Variants in PTN observed in about 807,000 individuals in gnomAD.
The protein encoded by PTN is pleiotrophin, also known as heparin affin regulatory protein.
Under a neutral mutation model 24.1 loss-of-function variants are expected in PTN, and 18 were observed. The ratio of observed to expected loss-of-function variants is 0.75; its 90% CI spans 0.52 to 1.11. The LOEUF (loss-of-function observed/expected upper bound fraction) is 1.11, where lower values mean the gene tolerates loss of function less well. Among genes scored for constraint, PTN ranks in the 50% least tolerant of loss-of-function variants. PTN has a pLI of 0.00. For synonymous variants in PTN, 78 were observed against 68.6 expected (o/e 1.14, Z -0.67); for missense variants, 163 against 198.8 (o/e 0.82, Z 1.08).
chr7:137,253,597 C>A lies in PTN; in HGVS notation c.156G>T (p.Trp52Cys). The A allele has an allele frequency of 6.3e-7, 1 of 1,581,826 alleles. No individual in the cohort carries two copies. The highest frequency in any genetic ancestry group is 8.6e-7 in the Non-Finnish European group (1 of 1,160,508). ...CTCCACTGGTGGGCACACACACACT[C>A]CACTGCCATTCTCCACAGTCAGACT... ...VKKSDCGEWQ[W>C]SVCVPTSGDC... The change falls in exon 3 of 5, where the codon TGG becomes TGT. Residue 52 changes from tryptophan to cysteine, a missense_variant. By Grantham distance (215) the Trp-to-Cys change is radical. Coordinates refer to ENST00000348225, the MANE Select transcript of PTN (RefSeq NM_002825.7).
At chr7:137,324,529 ATGAG>A (rs1174549110) in intron 1 of PTN, among the ~76,000 whole-genome samples, 4 of 150,760 alleles carry the variant, frequency 2.7e-5, no homozygotes, top group African/African-American at 9.8e-5. Context: ...CCACAGCCCC[ATGAG>A]ATTCTAAAGA....
intron 1 of PTN, among the ~76,000 whole-genome samples, chr7:137,293,139 G>A (rs1315061816): frequency 1.3e-5 from 2 of 152,024 alleles, no homozygotes; most frequent in African/African-American, 4.8e-5. Context: ...AACCACTCCT[G>A]GTCTTCTAAA....
At chr7:137,246,692 C>G (rs556072317) in intron 4 of PTN, among the ~76,000 whole-genome samples, 1 of 152,232 alleles carries the variant, frequency 6.6e-6, no homozygotes, top group South Asian at 2.1e-4. Flanking sequence ...GATATTAGAT[C>G]AGACATTAGG....
At chr7:137,238,944 A>G (rs1808571488) in intron 4 of PTN, among the ~76,000 whole-genome samples, 1 of 152,202 alleles carries the variant, frequency 6.6e-6, no homozygotes, top group African/African-American at 2.4e-5. Context: ...TCAGGAAGCA[A>G]AAAGGAGGTC....
intron 1 of PTN, among the ~76,000 whole-genome samples, chr7:137,292,792 G>T (rs1179639898): frequency 2.0e-5 from 3 of 152,088 alleles, no homozygotes; most frequent in South Asian, 2.1e-4. Flanking sequence ...TTCAGGTTTG[G>T]CTGAATCCAC....
At chr7:137,308,564 T>G (rs1809926496) in intron 1 of PTN, among the ~76,000 whole-genome samples, 3 of 152,276 alleles carry the variant, frequency 2.0e-5, no homozygotes, top group Admixed American at 2.0e-4. Context: ...GGTTCAGAGC[T>G]TGGTAAGGTG....
rs78030398 is a variant in PTN at position 137,296,909 on chromosome 7, T to C, written c.-1-41935A>G. Among the ~76,000 whole-genome samples, 199 of 152,158 alleles carry C rather than the reference T, an allele frequency of 1.3e-3. 1 individual carries two copies. Among genetic ancestry groups the C allele is most frequent in the South Asian group, 3.9e-3 (19 of 4,824 alleles). ...CCTATGTAGATGTAGGTTATGCTTG[T>C]AGTTGTCTGGGAAGTTTGTTAGAGT... On this transcript the variant is annotated intron_variant, in intron 1 of 4. Transcript: ENST00000348225.
intron 1 of PTN, among the ~76,000 whole-genome samples, chr7:137,255,872 C>A (rs2128871648): frequency 6.6e-6 from 1 of 152,320 alleles, no homozygotes; most frequent in Non-Finnish European, 1.5e-5. Flanking sequence ...ATGGCTGCAG[C>A]AACTTGCCTG....
chr7:137,324,313 T>TGC (rs1810214607), intron 1 of PTN, among the ~76,000 whole-genome samples: 1 of 149,898 alleles, frequency 6.7e-6, no homozygotes, highest in Non-Finnish European at 1.5e-5. Flanking sequence ...AAGGACCGCC[T>TGC]AAGCCCAGGA....
intron 1 of PTN, among the ~76,000 whole-genome samples, chr7:137,267,105 C>T (rs1055305697): frequency 3.3e-5 from 5 of 152,084 alleles, no homozygotes; most frequent in African/African-American, 1.2e-4. Context: ...TTAAAGGAAT[C>T]AGGTATATTG....
At chr7:137,343,347 C>T (rs2128884680) in intron 1 of PTN, 92 bp downstream of exon 1, 1 of 401,488 alleles carries the variant, frequency 2.5e-6, no homozygotes, top group Non-Finnish European at 5.1e-6. Flanking sequence ...ACCCCTACCA[C>T]CATCATCTGC....
intron 4 of PTN, among the ~76,000 whole-genome samples, chr7:137,228,534 T>C: frequency 6.6e-6 from 1 of 151,770 alleles, no homozygotes. Context: ...TCTTTGATAG[T>C]ATATTTTCTG....
intron 1 of PTN, among the ~76,000 whole-genome samples, chr7:137,320,918 T>C (rs528224342): frequency 6.6e-6 from 1 of 152,286 alleles, no homozygotes; most frequent in South Asian, 2.1e-4. Context: ...CAAGCTGGGA[T>C]TGGAAGAACC....
chr7:137,320,114 C>T (rs1468275505), intron 1 of PTN, among the ~76,000 whole-genome samples: 1 of 152,172 alleles, frequency 6.6e-6, no homozygotes, highest in Admixed American at 6.5e-5. Context: ...ATTTAAATGA[C>T]AATCATTGAG....
At chr7:137,313,117 C>A (rs1810011651) in intron 1 of PTN, among the ~76,000 whole-genome samples, 1 of 151,956 alleles carries the variant, frequency 6.6e-6, no homozygotes, top group East Asian at 1.9e-4. Flanking sequence ...GCCCTCCTGG[C>A]AGCCCTCACT....
At chr7:137,295,542 T>C (rs767168638) in intron 1 of PTN, among the ~76,000 whole-genome samples, 3 of 152,116 alleles carry the variant, frequency 2.0e-5, no homozygotes, top group South Asian at 2.1e-4. Flanking sequence ...ATGGTGTAAG[T>C]GTAAAATACA....
At chr7:137,264,214 A>T (rs1184685228) in intron 1 of PTN, among the ~76,000 whole-genome samples, 1 of 152,134 alleles carries the variant, frequency 6.6e-6, no homozygotes, top group Non-Finnish European at 1.5e-5. Context: ...ACTGCGCTAC[A>T]TACCTTGGAT....
At chr7:137,238,739 A>G (rs1808567743) in intron 4 of PTN, among the ~76,000 whole-genome samples, 1 of 152,188 alleles carries the variant, frequency 6.6e-6, no homozygotes, top group Admixed American at 6.5e-5. Flanking sequence ...GTAAAATACA[A>G]ATAAAACTAC....
intron 1 of PTN, among the ~76,000 whole-genome samples, chr7:137,333,037 A>C (rs1810384612): frequency 6.6e-6 from 1 of 152,094 alleles, no homozygotes; most frequent in South Asian, 2.1e-4. Flanking sequence ...AGATGGGAAG[A>C]GTTTGGGTCA....
Sources: allele counts gnomAD v4.1 joint callset (sites outside exome capture counted in the v4.1 genomes callset), GRCh38; gene constraint gnomAD v4.1.1; transcripts MANE v1.5; gene names NCBI Gene and HGNC (gene_info 2026-07-23, HGNC 2026-07-21).